CYP19A1: variants seen among roughly 807,000 people sequenced by gnomAD.
CYP19A1 encodes the protein aromatase.
A neutral mutation model predicts 44.4 loss-of-function variants in CYP19A1; 32 were observed. The ratio of observed to expected loss-of-function variants is 0.72; its 90% CI spans 0.54 to 0.97. The LOEUF (loss-of-function observed/expected upper bound fraction) is 0.97. Ranked by LOEUF, CYP19A1 falls within the 50% of genes least tolerant of loss-of-function variation. The probability of loss-of-function intolerance (pLI) is 0.00; values close to 1 mark genes in which losing one functional copy is unlikely to be tolerated. For synonymous variants in CYP19A1, 212 were observed against 215.6 expected (o/e 0.98, Z 0.14); for missense variants, 598 against 637.8 (o/e 0.94, Z 0.67).
At chr15:51,280,022 C>T (rs2035459041) in intron 1 of CYP19A1, 1 of 152,128 alleles carries the variant, frequency 6.6e-6, no homozygotes, top group Admixed American at 6.5e-5. Context: ...ACTGTTACTC[C>T]ATCCTAGACC....
At chr15:51,286,400 T>A (rs1341114808) in intron 1 of CYP19A1, among the ~76,000 whole-genome samples, 2 of 152,218 alleles carry the variant, frequency 1.3e-5, no homozygotes, top group African/African-American at 4.8e-5. Context: ...TCAATTAAAT[T>A]TCTGTCTTCA....
In CYP19A1 at chr15:51,210,639, C is replaced by A. The variant is rs764616011; in HGVS notation, c.*169G>T. ...CCTGGTTCTCTGGTGTGAACAGGAG[C>A]AGATGACAAATAGCACCTAGCTTGG... On this transcript the variant is annotated 3_prime_UTR_variant, in exon 10 of 10. Transcript: ENST00000396402. 1.3e-5 allele frequency: 10 copies of A among 745,812 alleles called. No individual in the cohort carries two copies. The South Asian group carries it at 1.4e-4, about 10-fold the overall frequency. The allele number at this position is 745,812 out of a possible 1,614,324, so 46.2% of individuals were successfully genotyped here.
At chr15:51,282,316 G>C (rs2140974147) in intron 1 of CYP19A1, among the ~76,000 whole-genome samples, 1 of 152,336 alleles carries the variant, frequency 6.6e-6, no homozygotes, top group East Asian at 1.9e-4. Context: ...CCAGGGCTCA[G>C]TGCATAAAAC....
chr15:51,223,281 A>G (rs899788758), intron 4 of CYP19A1, among the ~76,000 whole-genome samples: 4 of 152,042 alleles, frequency 2.6e-5, no homozygotes, highest in Non-Finnish European at 4.4e-5. Context: ...GAATGAATGA[A>G]TGAAAATAGA....
chr15:51,265,021 G>A (rs1316013236), intron 1 of CYP19A1, among the ~76,000 whole-genome samples: 1 of 152,222 alleles, frequency 6.6e-6, no homozygotes, highest in African/African-American at 2.4e-5. Context: ...AGACATTTGA[G>A]CCAATTACAC....
intron 1 of CYP19A1, among the ~76,000 whole-genome samples, chr15:51,294,329 C>T (rs1486916472): frequency 2.0e-5 from 3 of 150,078 alleles, no homozygotes; most frequent in African/African-American, 4.9e-5. Flanking sequence ...CCCGCCGCCC[C>T]GTCTGGGATG....
At chr15:51,291,653 G>A (rs1385985563) in intron 1 of CYP19A1, among the ~76,000 whole-genome samples, 4 of 152,228 alleles carry the variant, frequency 2.6e-5, no homozygotes, top group Non-Finnish European at 5.9e-5. Flanking sequence ...ATGTTGAAAT[G>A]TGGGCATTGA....
At position 51,208,561 on chromosome 15, in the gene CYP19A1, A is replaced by T. The variant is rs777346187; in HGVS notation, c.*2247T>A. Reference sequence around the variant, plus strand: ...ATAGAATTTTCAAAATGTGTTCATCAGCCTACTGAAAAGCCAATGGTATTC... The same window carrying T: ...ATAGAATTTTCAAAATGTGTTCATCTGCCTACTGAAAAGCCAATGGTATTC... On this transcript the variant is annotated 3_prime_UTR_variant, in exon 10 of 10. Coordinates refer to ENST00000396402, the MANE Select transcript of CYP19A1 (RefSeq NM_000103.4). 5 of 152,282 alleles carry T rather than the reference A, an allele frequency of 3.3e-5. No homozygotes were observed. The highest frequency in any genetic ancestry group is 6.5e-5 in the Admixed American group (1 of 15,304). The allele number at this position is 152,282 out of a possible 1,614,324, so 9.4% of individuals were successfully genotyped here. A position where few individuals can be genotyped will look rare whatever the true frequency, so the allele number is the denominator to read the frequency against.
rs1163041475 is a variant in CYP19A1 at position 51,227,891 on chromosome 15, G to A, written c.339C>T (p.Ser113=). The change falls in exon 4 of 10, where the codon AGC becomes AGT. Residue 113 remains serine (S), a synonymous_variant. Coordinates refer to ENST00000396402, the MANE Select transcript of CYP19A1 (RefSeq NM_000103.4). ...GCCCAAGTTTGCTGCCGAATCGAGAGCTGTAATGATTGTGCTTCATTATGT... is the reference window on the plus strand; with the variant it reads ...GCCCAAGTTTGCTGCCGAATCGAGAACTGTAATGATTGTGCTTCATTATGT... The part of the protein sequence containing the change: ...MFHIMKHNHY[S]SRFGSKLGLQ... 1 of 1,585,390 alleles carries A rather than the reference G, an allele frequency of 6.3e-7. No homozygotes were observed. Among genetic ancestry groups the A allele is most frequent in the Non-Finnish European group, 8.7e-7 (1 of 1,153,858 alleles).
At chr15:51,248,047 C>T (rs781286013) in intron 1 of CYP19A1, among the ~76,000 whole-genome samples, 1 of 152,164 alleles carries the variant, frequency 6.6e-6, no homozygotes, top group Non-Finnish European at 1.5e-5. Flanking sequence ...AATTACCCTA[C>T]CTCAAACTCT....
At chr15:51,288,152 T>A (rs1033168160) in intron 1 of CYP19A1, among the ~76,000 whole-genome samples, 1 of 152,164 alleles carries the variant, frequency 6.6e-6, no homozygotes, top group African/African-American at 2.4e-5. Flanking sequence ...TCAGCAGTTG[T>A]GCAGTGATTT....
At chr15:51,333,115 C>T (rs1260621079) in intron 1 of CYP19A1, among the ~76,000 whole-genome samples, 1 of 152,108 alleles carries the variant, frequency 6.6e-6, no homozygotes, top group African/African-American at 2.4e-5. Context: ...TGTTTATGTC[C>T]TAACGTTAAT....
At chr15:51,262,140 CACAA>C (rs2034747315) in intron 1 of CYP19A1, among the ~76,000 whole-genome samples, 1 of 152,238 alleles carries the variant, frequency 6.6e-6, no homozygotes. Flanking sequence ...GTTCCTAAGC[CACAA>C]ACAATAGCAT....
intron 4 of CYP19A1, among the ~76,000 whole-genome samples, chr15:51,222,977 C>T (rs1223812727): frequency 3.9e-5 from 6 of 152,116 alleles, no homozygotes; most frequent in Non-Finnish European, 5.9e-5. Flanking sequence ...GAAAACTGGT[C>T]AAATTGGATC....
intron 2 of CYP19A1, among the ~76,000 whole-genome samples, chr15:51,237,815 CT>C (rs1421688113): frequency 6.6e-6 from 1 of 152,168 alleles, no homozygotes; most frequent in African/African-American, 2.4e-5. Flanking sequence ...AGAGAACAAC[CT>C]TGGTAGCTTG....
intron 1 of CYP19A1, among the ~76,000 whole-genome samples, chr15:51,325,879 C>T (rs1364816875): frequency 6.7e-6 from 1 of 148,798 alleles, no homozygotes; most frequent in East Asian, 2.0e-4. Flanking sequence ...ATTGAGTCCA[C>T]CTAACCTACC....
At chr15:51,263,668 A>G (rs2034812748) in intron 1 of CYP19A1, among the ~76,000 whole-genome samples, 1 of 152,178 alleles carries the variant, frequency 6.6e-6, no homozygotes, top group East Asian at 1.9e-4. Context: ...CTGTGGAGGG[A>G]CTGTACTTTG....
chr15:51,273,036 G>A (rs1336538986), intron 1 of CYP19A1, among the ~76,000 whole-genome samples: 1 of 151,884 alleles, frequency 6.6e-6, no homozygotes, highest in Admixed American at 6.5e-5. Context: ...TCGGCTCACT[G>A]CAACCTCCGC....
intron 1 of CYP19A1, chr15:51,314,048 A>T (rs770524255): frequency 6.6e-6 from 1 of 151,456 alleles, no homozygotes; most frequent in African/African-American, 2.4e-5. Flanking sequence ...ACCCTAGAAT[A>T]ATTACCCAAC....
Sources: gnomAD v4.1 joint callset for allele counts (sites outside exome capture counted in the v4.1 genomes callset) on GRCh38, gnomAD v4.1.1 for gene constraint, MANE v1.5 for transcripts, NCBI Gene and HGNC (gene_info 2026-07-23, HGNC 2026-07-21) for gene names.